Variants in DACH1 observed in about 807,000 individuals in gnomAD.
The protein encoded by DACH1 is dachshund homolog 1.
Under a neutral mutation model 54.2 loss-of-function variants are expected in DACH1, and 12 were observed. The ratio of observed to expected loss-of-function variants is 0.22; its 90% CI spans 0.14 to 0.36. The LOEUF is 0.36. Among genes scored for constraint, DACH1 ranks in the 10% least tolerant of loss-of-function variants. The pLI, the probability that DACH1 is intolerant of heterozygous loss-of-function variation, is 1.00. For synonymous variants in DACH1, 386 were observed against 366.2 expected, an observed-to-expected ratio of 1.05 and a Z score of -0.62; for missense variants, 805 against 929.8, an observed-to-expected ratio of 0.87 and a Z score of 1.75.
chr13:71,714,790 A>AT (rs1444170439), intron 1 of DACH1, among the ~76,000 whole-genome samples: 18 of 152,078 alleles, frequency 1.2e-4, no homozygotes, highest in African/African-American at 3.6e-4. Context: ...AATAAGAGAG[A>AT]TTTTTTAAAA....
chr13:71,477,104 ATTTTTTTTTTT>A (rs565497537), intron 8 of DACH1, among the ~76,000 whole-genome samples: 1 of 43,256 alleles, frequency 2.3e-5, no homozygotes, highest in African/African-American at 8.6e-5. Context: ...ATATATATAT[ATTTTTTTTTTT>A]TTTTTTTTTT....
intron 1 of DACH1, among the ~76,000 whole-genome samples, chr13:71,729,389 T>C (rs932920309): frequency 1.4e-4 from 21 of 151,970 alleles, no homozygotes; most frequent in Non-Finnish European, 2.7e-4. Context: ...CACAAATGAA[T>C]ACATAAAAGG....
chr13:71,773,394 AT>A, intron 1 of DACH1, among the ~76,000 whole-genome samples: 1 of 152,046 alleles, frequency 6.6e-6, no homozygotes, highest in South Asian at 2.1e-4. Context: ...TGTAAGTTTT[AT>A]ATTGTCTTTA....
intron 5 of DACH1, 65 bp from the exon 6 acceptor site, chr13:71,557,223 A>C (rs1566339489): frequency 1.4e-6 from 2 of 1,466,854 alleles, no homozygotes; most frequent in Admixed American, 2.3e-5. Context: ...ACAAGGTTCC[A>C]ATAAGTCAAT....
intron 1 of DACH1, among the ~76,000 whole-genome samples, chr13:71,754,494 A>G (rs1885058949): frequency 6.6e-6 from 1 of 152,130 alleles, no homozygotes; most frequent in South Asian, 2.1e-4. Context: ...TGAACTATGA[A>G]GTAGGTCAGC....
intron 2 of DACH1, among the ~76,000 whole-genome samples, chr13:71,674,022 G>A (rs1479016194): frequency 2.0e-5 from 3 of 152,138 alleles, no homozygotes; most frequent in Non-Finnish European, 4.4e-5. Flanking sequence ...GTTTAAATTT[G>A]TAATTGTAAG....
At chr13:71,580,085 C>T (rs1177004982) in intron 3 of DACH1, among the ~76,000 whole-genome samples, 1 of 152,048 alleles carries the variant, frequency 6.6e-6, no homozygotes, top group Admixed American at 6.6e-5. Context: ...CTGAAAAAAG[C>T]TGGTTAATTT....
intron 4 of DACH1, among the ~76,000 whole-genome samples, chr13:71,564,248 T>C (rs748494112): frequency 6.6e-6 from 1 of 152,010 alleles, no homozygotes; most frequent in South Asian, 2.1e-4. Flanking sequence ...ATAAGAAAAC[T>C]ATGTAAACTG....
chr13:71,800,325 G>C (rs1017132367), intron 1 of DACH1, among the ~76,000 whole-genome samples: 1 of 152,078 alleles, frequency 6.6e-6, no homozygotes, highest in Non-Finnish European at 1.5e-5. Context: ...AATAGCCGGA[G>C]CACTAAAAAG....
At chr13:71,815,479 G>T (rs183908894) in intron 1 of DACH1, among the ~76,000 whole-genome samples, 1 of 152,250 alleles carries the variant, frequency 6.6e-6, no homozygotes, top group African/African-American at 2.4e-5. Flanking sequence ...TTCAAACAAG[G>T]TGGTAATAGC....
intron 6 of DACH1, among the ~76,000 whole-genome samples, chr13:71,541,118 AT>A (rs1213789963): frequency 6.6e-6 from 1 of 151,976 alleles, no homozygotes; most frequent in Non-Finnish European, 1.5e-5. Flanking sequence ...ATAAGTGCAA[AT>A]TATGATGCTA....
intron 10 of DACH1, among the ~76,000 whole-genome samples, chr13:71,442,082 T>C (rs1243947671): frequency 1.3e-5 from 2 of 152,096 alleles, no homozygotes; most frequent in Non-Finnish European, 2.9e-5. Flanking sequence ...AATGTACCAA[T>C]TACTATGAAC....
chr13:71,615,589 T>A (rs776972239), intron 3 of DACH1, among the ~76,000 whole-genome samples: 1 of 152,170 alleles, frequency 6.6e-6, no homozygotes, highest in Non-Finnish European at 1.5e-5. Flanking sequence ...AGTGTAGCAA[T>A]GTAATCTGAA....
chr13:71,602,224 T>C (rs1874544409), intron 3 of DACH1, among the ~76,000 whole-genome samples: 1 of 152,064 alleles, frequency 6.6e-6, no homozygotes, highest in African/African-American at 2.4e-5. Flanking sequence ...TTTTATTTTG[T>C]GTATCCAAGC....
chr13:71,530,454 TAA>T lies in DACH1; in HGVS notation c.1570+26568_1570+26569del, dbSNP rs147404157. On this transcript the variant is annotated intron_variant, in intron 6 of 10. Transcript: ENST00000613252. ...TTGGACAAGGACAAAGACACTAATT[TAA>T]AAAAAAAAGTTATTTGAACTTTTAA... Among the ~76,000 whole-genome samples, 185 of 150,090 alleles carry T rather than the reference TAA, an allele frequency of 1.2e-3. 2 individuals are homozygous for T. In the East Asian group the frequency reaches 0.028, roughly 23 times the overall value.
intron 6 of DACH1, among the ~76,000 whole-genome samples, chr13:71,512,139 TC>T (rs1336300710): frequency 1.3e-5 from 2 of 151,934 alleles, no homozygotes; most frequent in Non-Finnish European, 1.5e-5. Flanking sequence ...TGGTCAAGCA[TC>T]CCCTAATGCA....
chr13:71,714,685 C>A (rs1396895157), intron 1 of DACH1, among the ~76,000 whole-genome samples: 2 of 151,890 alleles, frequency 1.3e-5, no homozygotes, highest in Non-Finnish European at 2.9e-5. Flanking sequence ...AGCTGACTTT[C>A]CAAGTAGTAA....
At chr13:71,670,961 C>A (rs767056765) in intron 2 of DACH1, among the ~76,000 whole-genome samples, 1 of 151,968 alleles carries the variant, frequency 6.6e-6, no homozygotes, top group South Asian at 2.1e-4. Context: ...TGAATTTTGG[C>A]GATTGGCTTC....
intron 6 of DACH1, among the ~76,000 whole-genome samples, chr13:71,543,714 G>C (rs1347507160): frequency 6.6e-6 from 1 of 152,088 alleles, no homozygotes; most frequent in African/African-American, 2.4e-5. Flanking sequence ...CTGATATGGA[G>C]AATGTAGCAC....
Sources: gnomAD v4.1 joint callset for allele counts (sites outside exome capture counted in the v4.1 genomes callset) on GRCh38, gnomAD v4.1.1 for gene constraint, MANE v1.5 for transcripts, NCBI Gene and HGNC (gene_info 2026-07-23, HGNC 2026-07-21) for gene names.